Variants in RAB11FIP4 observed in about 807,000 individuals in gnomAD.
RAB11FIP4 encodes the protein rab11 family-interacting protein 4.
In RAB11FIP4, 23 loss-of-function variants were observed where a neutral mutation model predicts 74.3. The ratio of observed to expected loss-of-function variants is 0.31; its 90% confidence interval spans 0.22 to 0.44. The LOEUF (loss-of-function observed/expected upper bound fraction) is 0.44. RAB11FIP4 is among the 20% of genes least tolerant of loss of function. The pLI is 1.00. For missense variants in RAB11FIP4, 630 were observed against 863.9 expected (o/e 0.73, Z 3.39); for synonymous variants, 360 against 359.9 (o/e 1.00, Z 0.00).
rs757577928 is a variant in RAB11FIP4, at chr17:31,528,790, A to C, written c.1653+12A>C. The C allele has an allele frequency of 6.2e-6, 10 of 1,602,142 alleles. No homozygotes were observed. Among genetic ancestry groups the C allele is most frequent in the Non-Finnish European group, 8.5e-6 (10 of 1,174,096 alleles). On this transcript the variant is annotated intron_variant, in intron 13 of 14. Coordinates refer to ENST00000621161, the MANE Select transcript of RAB11FIP4 (RefSeq NM_032932.6). ...AGCGGCTCAAGCAGGTGGGTCTAGCAGTCTCTGTGTCCAGTGGGGCAGGGT... is the reference window on the plus strand; with the variant it reads ...AGCGGCTCAAGCAGGTGGGTCTAGCCGTCTCTGTGTCCAGTGGGGCAGGGT...
intron 5 of RAB11FIP4, 55 bp downstream of exon 5, chr17:31,521,415 A>T: frequency 1.3e-6 from 2 of 1,498,964 alleles, no homozygotes; most frequent in Non-Finnish European, 1.8e-6. Flanking sequence ...AAGCAATTTA[A>T]GCACATCCTA....
In RAB11FIP4 at chr17:31,521,074, A is replaced by G. The variant is rs529805246; in HGVS notation, c.564-92A>G. 3.2e-5 allele frequency: 33 copies of G among 1,036,214 alleles called. No homozygotes were observed. The Admixed American group carries it at 7.5e-4, about 24-fold the overall frequency. 64.2% of individuals were successfully genotyped at this position (1,036,214 alleles called of 1,614,324 possible). On this transcript the variant is annotated intron_variant, in intron 4 of 14. Coordinates refer to ENST00000621161, the MANE Select transcript of RAB11FIP4 (RefSeq NM_032932.6). ...GCTACAAACTTAATCGGTAGTGCCA[A>G]TTAAAGGGAAATGCCTGTCAGTTTC...
rs2072905617 is a variant in RAB11FIP4, at chr17:31,533,392, C to T, written c.*1660C>T. ...CCCACACTGGGAAGACTAGGCTAGG[C>T]AGTCGGTCTTCTAGGAGTTTCTCAG... On this transcript the variant is annotated 3_prime_UTR_variant, in exon 15 of 15. Transcript: ENST00000621161. 1 of 152,278 alleles carries T rather than the reference C, an allele frequency of 6.6e-6. No homozygotes were observed. Among genetic ancestry groups the T allele is most frequent in the African/African-American group, 2.4e-5 (1 of 41,452 alleles). 9.4% of individuals were successfully genotyped at this position (152,278 alleles called of 1,614,324 possible).
At chr17:31,449,576 C>G (rs2071505231) in intron 3 of RAB11FIP4, among the ~76,000 whole-genome samples, 1 of 152,214 alleles carries the variant, frequency 6.6e-6, no homozygotes, top group Admixed American at 6.5e-5. Context: ...GGGTCTCACT[C>G]TGTCACCCAG....
chr17:31,410,523 G>A (rs2151619046), intron 1 of RAB11FIP4, among the ~76,000 whole-genome samples: 1 of 152,186 alleles, frequency 6.6e-6, no homozygotes, highest in East Asian at 1.9e-4. Flanking sequence ...AGACCATCCT[G>A]GCCAACATGG....
At chr17:31,457,252 T>C (rs759846148) in intron 3 of RAB11FIP4, among the ~76,000 whole-genome samples, 1 of 152,110 alleles carries the variant, frequency 6.6e-6, no homozygotes, top group Non-Finnish European at 1.5e-5. Flanking sequence ...ACCAGCTTCA[T>C]GGCTTGCTGT....
intron 1 of RAB11FIP4, among the ~76,000 whole-genome samples, chr17:31,412,607 C>G (rs148176991): frequency 6.6e-6 from 1 of 152,214 alleles, no homozygotes; most frequent in Admixed American, 6.5e-5. Context: ...ATCACAGGGA[C>G]CACGGATAGG....
intron 1 of RAB11FIP4, among the ~76,000 whole-genome samples, chr17:31,423,727 AT>A (rs2071221235): frequency 1.3e-5 from 2 of 152,112 alleles, no homozygotes; most frequent in Non-Finnish European, 2.9e-5. Flanking sequence ...TTGGTAGGTT[AT>A]TTGGGGTCAG....
intron 1 of RAB11FIP4, among the ~76,000 whole-genome samples, chr17:31,402,597 T>TA (rs1491391017): frequency 6.3e-5 from 7 of 111,674 alleles, no homozygotes; most frequent in African/African-American, 2.1e-4. Context: ...ATTTTATTTA[T>TA]TTTTATTTAT....
At chr17:31,489,966 C>G (rs1223965393) in intron 3 of RAB11FIP4, among the ~76,000 whole-genome samples, 2 of 152,152 alleles carry the variant, frequency 1.3e-5, no homozygotes, top group African/African-American at 4.8e-5. Flanking sequence ...GACCTTTGCC[C>G]TAAGGGAGGT....
At chr17:31,401,857 C>T (rs1426831471) in intron 1 of RAB11FIP4, among the ~76,000 whole-genome samples, 1 of 152,174 alleles carries the variant, frequency 6.6e-6, no homozygotes, top group Non-Finnish European at 1.5e-5. Context: ...CAAGGCAAGC[C>T]CATTCTCACC....
At chr17:31,445,689 G>A (rs1189047872) in intron 3 of RAB11FIP4, among the ~76,000 whole-genome samples, 3 of 147,072 alleles carry the variant, frequency 2.0e-5, no homozygotes, top group Admixed American at 1.4e-4. Flanking sequence ...GGGTTCAAAC[G>A]ATTCTCCTGC....
intron 1 of RAB11FIP4, among the ~76,000 whole-genome samples, chr17:31,418,121 C>T (rs1398283327): frequency 1.3e-5 from 2 of 152,078 alleles, no homozygotes. Flanking sequence ...GGCGTAGTGG[C>T]TCATGCCTGT....
rs537428059 is a variant in RAB11FIP4 at position 31,460,506 on chromosome 17, C to T, written c.336+26384C>T. ...AGGATACAGGAGATAAATTAGAAGC[C>T]GCTGGCATCAGTTAGGATGTGTGTT... On this transcript the variant is annotated intron_variant, in intron 3 of 14. Coordinates refer to ENST00000621161, the MANE Select transcript of RAB11FIP4 (RefSeq NM_032932.6). Among the ~76,000 whole-genome samples the T allele has an allele frequency of 1.7e-4, 26 of 152,238 alleles. No individual in the cohort carries two copies. The South Asian group carries it at 1.9e-3, about 11-fold the overall frequency.
intron 3 of RAB11FIP4, among the ~76,000 whole-genome samples, chr17:31,487,094 C>G (rs2071911856): frequency 2.0e-5 from 3 of 152,286 alleles, no homozygotes; most frequent in African/African-American, 7.2e-5. Context: ...AGTGAAGACT[C>G]AGGGAAGGCA....
At chr17:31,479,485 T>C (rs1232347391) in intron 3 of RAB11FIP4, among the ~76,000 whole-genome samples, 1 of 152,172 alleles carries the variant, frequency 6.6e-6, no homozygotes, top group Non-Finnish European at 1.5e-5. Flanking sequence ...TGTTAGGAGC[T>C]TAAGTCCAAA....
intron 3 of RAB11FIP4, among the ~76,000 whole-genome samples, chr17:31,452,599 T>G (rs1567660774): frequency 1.3e-5 from 2 of 152,168 alleles, no homozygotes; most frequent in African/African-American, 4.8e-5. Context: ...CTTTTGTAAC[T>G]TGCAGGTCCT....
chr17:31,486,898 G>A (rs1473563448), intron 3 of RAB11FIP4, among the ~76,000 whole-genome samples: 2 of 152,206 alleles, frequency 1.3e-5, no homozygotes, highest in Non-Finnish European at 2.9e-5. Flanking sequence ...CGAATTTACT[G>A]GCAGGAGAGA....
At chr17:31,505,593 ATATT>A (rs2072321976) in intron 3 of RAB11FIP4, among the ~76,000 whole-genome samples, 1 of 67,016 alleles carries the variant, frequency 1.5e-5, no homozygotes, top group Non-Finnish European at 2.5e-5. Context: ...TAATAATTAT[ATATT>A]ATATAATAAT....
Sources: allele counts gnomAD v4.1 joint callset (sites outside exome capture counted in the v4.1 genomes callset), GRCh38; gene constraint gnomAD v4.1.1; transcripts MANE v1.5; gene names NCBI Gene and HGNC (gene_info 2026-07-23, HGNC 2026-07-21).